The following DNAJC14 variants were observed in gnomAD, a reference collection of about 807,000 sequenced individuals.
The protein encoded by DNAJC14 is dnaJ homolog subfamily C member 14.
A neutral mutation model predicts 68.8 loss-of-function variants in DNAJC14; 12 were observed. The observed-to-expected ratio is 0.17, with a 90% CI of 0.11 to 0.28. The LOEUF (loss-of-function observed/expected upper bound fraction) is 0.28, where lower values mean the gene tolerates loss of function less well. DNAJC14 is among the 10% of genes least tolerant of loss of function. The pLI is 1.00. For missense variants in DNAJC14, 764 were observed against 875.6 expected (o/e 0.87, Z 1.61); for synonymous variants, 350 against 321.5 (o/e 1.09, Z -0.95).
In DNAJC14 at chr12:55,828,746, GGAT is replaced by G. The variant is rs1592595752; in HGVS notation, c.-56-35_-56-33del. 2.7e-6 allele frequency: 4 copies of G among 1,473,270 alleles called. No individual in the cohort carries two copies. In the East Asian group the frequency reaches 9.6e-5, roughly 35 times the overall value. 91.3% of individuals were successfully genotyped at this position (1,473,270 alleles called of 1,614,324 possible). A position where few individuals can be genotyped will look rare whatever the true frequency, so the allele number is the denominator to read the frequency against. ...CAGATATCAAGGTGGAGACAGTCAA[GGAT>G]GAGACCAAGAGAGGAATTAAACAAT... is the stretch of plus-strand genomic sequence containing the variant. On this transcript the variant is annotated intron_variant, in intron 1 of 6. Transcript: ENST00000678005.
intron 1 of DNAJC14, chr12:55,829,023 A>C (rs938686127): frequency 1.2e-6 from 1 of 859,102 alleles, no homozygotes; most frequent in African/African-American, 1.8e-5. Context: ...AAAATGGGAA[A>C]GACCGCCGGA....
At chr12:55,827,182 C>G in intron 2 of DNAJC14, 70 bp downstream of exon 2, 1 of 1,324,348 alleles carries the variant, frequency 7.6e-7, no homozygotes, top group Non-Finnish European at 9.7e-7. Context: ...CAGAGCGAGA[C>G]TACATCTCAA....
At chr12:55,822,828 A>G in intron 4 of DNAJC14, 96 bp from the exon 5 acceptor site, 2 of 1,492,906 alleles carry the variant, frequency 1.3e-6, no homozygotes, top group African/African-American at 2.8e-5. Context: ...GGGCTGAAAC[A>G]TCTAAAATTA....
rs148628981 is a variant in DNAJC14 at position 55,824,036 on chromosome 12, G to A, written c.1408-528C>T. On this transcript the variant is annotated intron_variant, in intron 2 of 6. Coordinates refer to ENST00000678005, the MANE Select transcript of DNAJC14 (RefSeq NM_032364.6). ...ATTGTTGGGATTATCTATCATGTCA[G>A]CCTGAATATCTATCATGGATTGTTG... Among the ~76,000 whole-genome samples, 31 of 151,834 alleles carry A rather than the reference G, an allele frequency of 2.0e-4. No homozygotes were observed. In the East Asian group the frequency reaches 4.1e-3, roughly 20 times the overall value.
intron 2 of DNAJC14, among the ~76,000 whole-genome samples, chr12:55,825,684 C>T (rs1565689441): frequency 6.6e-6 from 1 of 151,742 alleles, no homozygotes; most frequent in Non-Finnish European, 1.5e-5. Flanking sequence ...GCTGGGACTA[C>T]AGGCGCCCGC....
At position 55,821,250 on chromosome 12, in the gene DNAJC14, G is replaced by T. The variant is rs1011372341; in HGVS notation, c.*727C>A. On this transcript the variant is annotated 3_prime_UTR_variant, in exon 7 of 7. Transcript: ENST00000678005. ...AAGTCGAGGGAAAATTCAGTTTCCA[G>T]TCTCTGAACTCTATGCGATAATCTC... 2 of 152,614 alleles carry T rather than the reference G, an allele frequency of 1.3e-5. No homozygotes were observed. Among genetic ancestry groups the T allele is most frequent in the African/African-American group, 4.8e-5 (2 of 41,436 alleles). The allele number at this position is 152,614 out of a possible 1,614,324, so 9.5% of individuals were successfully genotyped here.
intron 3 of DNAJC14, 45 bp downstream of exon 3, chr12:55,823,357 A>G: frequency 1.2e-6 from 2 of 1,609,058 alleles, no homozygotes; most frequent in Non-Finnish European, 1.7e-6. Flanking sequence ...GCTATTGAGG[A>G]TTTTTCATTT....
chr12:55,824,765 G>A (rs933771181), intron 2 of DNAJC14, among the ~76,000 whole-genome samples: 1 of 152,144 alleles, frequency 6.6e-6, no homozygotes, highest in Non-Finnish European at 1.5e-5. Flanking sequence ...TCTACTAAAA[G>A]AAAGTGAGAA....
intron 2 of DNAJC14, among the ~76,000 whole-genome samples, 181 bp from the exon 3 acceptor site, chr12:55,823,689 T>G (rs1359174000): frequency 1.3e-5 from 2 of 151,142 alleles, no homozygotes; most frequent in African/African-American, 4.9e-5. Context: ...TTAGCTACAT[T>G]ACCTTGAATA....
At chr12:55,829,406 C>T in intron 1 of DNAJC14, 83 bp downstream of exon 1, 2 of 983,532 alleles carry the variant, frequency 2.0e-6, no homozygotes, top group African/African-American at 1.8e-5. Context: ...GATCGTGCCA[C>T]TGTACTCCAG....
chr12:55,825,130 C>CA (rs71074860), intron 2 of DNAJC14, among the ~76,000 whole-genome samples: 2,652 of 65,026 alleles, frequency 0.041, 86 homozygotes, highest in African/African-American at 0.11. Flanking sequence ...GACCCTGTCT[C>CA]AAAAAAAAAA....
chr12:55,824,929 G>C (rs1880754565), intron 2 of DNAJC14, among the ~76,000 whole-genome samples: 1 of 151,946 alleles, frequency 6.6e-6, no homozygotes, highest in Non-Finnish European at 1.5e-5. Flanking sequence ...CCAGGAGTTC[G>C]AGATCAGGCT....
chr12:55,829,576 C>T lies in DNAJC14; in HGVS notation c.-144G>A. 3.0e-6 allele frequency: 3 copies of T among 985,520 alleles called. No individual in the cohort carries two copies. Among genetic ancestry groups the T allele is most frequent in the Non-Finnish European group, 3.6e-6 (3 of 829,966 alleles). 61.0% of individuals were successfully genotyped at this position (985,520 alleles called of 1,614,324 possible). A position where few individuals can be genotyped will look rare whatever the true frequency, so the allele number is the denominator to read the frequency against. ...GAGCCGCTCTCCCGGCTCCGCCTCC[C>T]GCTCACGCTCTGCTTCCGCCTTCCG... On this transcript the variant is annotated 5_prime_UTR_variant, in exon 1 of 7. Transcript: ENST00000678005.
At chr12:55,825,114 G>C (rs1428604784) in intron 2 of DNAJC14, among the ~76,000 whole-genome samples, 2 of 145,458 alleles carry the variant, frequency 1.4e-5, no homozygotes, top group Non-Finnish European at 1.5e-5. Flanking sequence ...TGGGGAACTG[G>C]AGTGAGACCC....
In DNAJC14 at chr12:55,822,179, G is replaced by A. The variant is rs1189801659; in HGVS notation, c.1907C>T (p.Pro636Leu). The change falls in exon 7 of 7, where the codon CCA becomes CTA. Residue 636 changes from proline (P) to leucine (L), a missense_variant. By Grantham distance (98) the Pro-to-Leu change is moderately conservative. Transcript: ENST00000678005. ...CTGAAGATCAGCAGGAGGGGCATCTGGGGTGGCTCTGAGGTAAAACAGAAG... is the reference window on the plus strand; with the variant it reads ...CTGAAGATCAGCAGGAGGGGCATCTAGGGTGGCTCTGAGGTAAAACAGAAG... Reference protein sequence around the residue: ...PGTRGRQRATPDAPPADLQDF... With the variant: ...PGTRGRQRATLDAPPADLQDF... The A allele has an allele frequency of 3.1e-6, 5 of 1,593,944 alleles. No individual in the cohort carries two copies. In the African/African-American group the frequency reaches 6.7e-5, roughly 22 times the overall value.
At chr12:55,822,954 T>C in intron 4 of DNAJC14, 116 bp downstream of exon 4, 1 of 1,513,290 alleles carries the variant, frequency 6.6e-7, no homozygotes, top group Non-Finnish European at 8.8e-7. Flanking sequence ...TTAAGGGTCT[T>C]TTTACTAATT....
rs1251075234 is a variant in DNAJC14, at chr12:55,822,088, A to T, written c.1998T>A (p.Ala666=). 3.7e-6 allele frequency: 6 copies of T among 1,613,886 alleles called. No individual in the cohort carries two copies. In the Admixed American group the frequency reaches 5.0e-5, roughly 13 times the overall value. ...CAGCGGCTCCAGGGGCAGGCTGAGG[A>T]GCTGCAAAGAAGTTCCCATTGGGCA... The part of the protein sequence containing the change: ...GQMPNGNFFA[A]PQPAPGAAAA... The change falls in exon 7 of 7, where the codon GCT becomes GCA. Residue 666 remains alanine (A), a synonymous_variant. Coordinates refer to ENST00000678005, the MANE Select transcript of DNAJC14 (RefSeq NM_032364.6).
At chr12:55,826,657 A>G (rs1055892803) in intron 2 of DNAJC14, among the ~76,000 whole-genome samples, 1 of 151,838 alleles carries the variant, frequency 6.6e-6, no homozygotes, top group Non-Finnish European at 1.5e-5. Context: ...AAAATTAGCC[A>G]GGCACAGTGG....
In DNAJC14 at chr12:55,828,668, G is replaced by T. The variant is rs773330081; in HGVS notation, c.-10C>A. The T allele has an allele frequency of 5.6e-6, 9 of 1,607,316 alleles. No individual in the cohort carries two copies. The highest frequency in any genetic ancestry group is 7.7e-6 in the Non-Finnish European group (9 of 1,175,896). On this transcript the variant is annotated 5_prime_UTR_variant, in exon 2 of 7. Transcript: ENST00000678005. Reference sequence around the variant, plus strand: ...GGTGCTTCTGGGCCATGACCCCGGGGCTTCCTGAGGGTCTTAGGTCACAGC... The same window carrying T: ...GGTGCTTCTGGGCCATGACCCCGGGTCTTCCTGAGGGTCTTAGGTCACAGC...
Sources: gnomAD v4.1 joint callset for allele counts (sites outside exome capture counted in the v4.1 genomes callset) on GRCh38, gnomAD v4.1.1 for gene constraint, MANE v1.5 for transcripts, NCBI Gene and HGNC (gene_info 2026-07-23, HGNC 2026-07-21) for gene names.